Variants in SMARCC1 observed in about 807,000 individuals in gnomAD.
SMARCC1 encodes SWI/SNF complex subunit SMARCC1.
Under a neutral mutation model 147.4 loss-of-function variants are expected in SMARCC1, and 43 were observed. The ratio of observed to expected loss-of-function variants is 0.29; its 90% CI spans 0.23 to 0.38. The LOEUF (loss-of-function observed/expected upper bound fraction) is 0.38, where lower values mean the gene tolerates loss of function less well. Among genes scored for constraint, SMARCC1 ranks in the 10% least tolerant of loss-of-function variants. The pLI is 1.00. For missense variants in SMARCC1, 1,119 were observed against 1,381.1 expected, an observed-to-expected ratio of 0.81 and a Z score of 3.01; for synonymous variants, 495 against 484.4, an observed-to-expected ratio of 1.02 and a Z score of -0.29.
At chr3:47,630,277 A>G (rs1379562083) in intron 24 of SMARCC1, among the ~76,000 whole-genome samples, 1 of 152,164 alleles carries the variant, frequency 6.6e-6, no homozygotes, top group Non-Finnish European at 1.5e-5. Context: ...CCTCGCATGC[A>G]CAGTTCACAA....
chr3:47,664,197 A>G (rs1576403798), intron 19 of SMARCC1, among the ~76,000 whole-genome samples: 2 of 150,714 alleles, frequency 1.3e-5, no homozygotes, highest in Non-Finnish European at 3.0e-5. Context: ...AAAAAAAAAG[A>G]CCCTGTCTTA....
At position 47,706,426 on chromosome 3, in the gene SMARCC1, C is replaced by G; in HGVS notation, c.1023G>C (p.Lys341Asn). Residue 341 changes from lysine to asparagine, a missense_variant, in exon 10 of 28, where the codon AAG (lysine) becomes AAC (asparagine). This residue lies in a region of SMARCC1 where 542 missense variants were observed against 611.8 expected (regional missense o/e 0.89). Coordinates refer to ENST00000254480, the MANE Select transcript of SMARCC1 (RefSeq NM_003074.4). ...PPPPTPTESRKKSGKKGQASL... is the reference protein window; with the variant it reads ...PPPPTPTESRNKSGKKGQASL... ...GTTCTTACCCTTTCTTCCCACTCTTCTTCCGTGATTCTGTTGGTGTCGGAG... is the reference window on the plus strand; with the variant it reads ...GTTCTTACCCTTTCTTCCCACTCTTGTTCCGTGATTCTGTTGGTGTCGGAG... 6.3e-7 allele frequency: 1 copy of G among 1,575,478 alleles called. No homozygotes were observed. Among genetic ancestry groups the G allele is most frequent in the Non-Finnish European group, 8.6e-7 (1 of 1,165,660 alleles).
rs775317224 is a variant in SMARCC1, at chr3:47,676,614, TC to T, written c.1725+14del. ...GTTACTATCCAGGTCTGATGAAAAG[TC>T]AACATTAATTTACCTGAGGTGATCG... On this transcript the variant is annotated intron_variant, in intron 17 of 27. Transcript: ENST00000254480. The T allele has an allele frequency of 1.1e-5, 17 of 1,610,214 alleles. No individual in the cohort carries two copies. In the South Asian group the frequency reaches 1.9e-4, roughly 18 times the overall value.
At chr3:47,596,759 G>T (rs2032290279) in intron 26 of SMARCC1, among the ~76,000 whole-genome samples, 1 of 152,006 alleles carries the variant, frequency 6.6e-6, no homozygotes, top group Non-Finnish European at 1.5e-5. Flanking sequence ...GGATGCAGAG[G>T]AGTTAGTGCC....
At chr3:47,663,657 C>T in intron 19 of SMARCC1, 1 of 1,506,798 alleles carries the variant, frequency 6.6e-7, no homozygotes, top group East Asian at 2.3e-5. Flanking sequence ...CCCTTTGAAC[C>T]ATCGAAGCCC....
intron 11 of SMARCC1, among the ~76,000 whole-genome samples, chr3:47,696,249 C>CTAT (rs2033850762): frequency 6.6e-6 from 1 of 151,808 alleles, no homozygotes; most frequent in African/African-American, 2.4e-5. Context: ...TGGCGGGCGC[C>CTAT]TATAATCTCA....
intron 11 of SMARCC1, 119 bp downstream of exon 11, chr3:47,701,159 C>A: frequency 1.4e-6 from 1 of 717,498 alleles, no homozygotes; most frequent in Non-Finnish European, 2.3e-6. Context: ...ATAAAAGGGA[C>A]AATCTATTCA....
intron 24 of SMARCC1, among the ~76,000 whole-genome samples, chr3:47,630,701 A>G (rs1360727308): frequency 2.6e-5 from 4 of 152,184 alleles, no homozygotes; most frequent in African/African-American, 9.7e-5. Context: ...GTGTAAATCA[A>G]TTTCAATCAA....
At chr3:47,771,200 C>T (rs1035301642) in intron 2 of SMARCC1, among the ~76,000 whole-genome samples, 2 of 152,136 alleles carry the variant, frequency 1.3e-5, no homozygotes, top group Non-Finnish European at 2.9e-5. Flanking sequence ...TAAGCCACGA[C>T]GCCCCGCCTA....
chr3:47,767,333 C>T (rs538542982), intron 2 of SMARCC1, among the ~76,000 whole-genome samples: 39 of 147,618 alleles, frequency 2.6e-4, no homozygotes, highest in South Asian at 4.3e-4. Flanking sequence ...CTCCACCTCC[C>T]GGGTTCAAGT....
intron 24 of SMARCC1, among the ~76,000 whole-genome samples, chr3:47,629,152 T>G (rs2032852865): frequency 1.3e-5 from 2 of 152,124 alleles, no homozygotes; most frequent in African/African-American, 4.8e-5. Context: ...TGTCTCCAAT[T>G]CAAACCCTCC....
intron 21 of SMARCC1, among the ~76,000 whole-genome samples, chr3:47,645,708 ATTT>A (rs1257277336): frequency 6.6e-6 from 1 of 152,224 alleles, no homozygotes; most frequent in Non-Finnish European, 1.5e-5. Context: ...ACGCAATATG[ATTT>A]TTTGTCTCGC....
rs546659321 is a variant in SMARCC1, at chr3:47,726,061, CAAAA to C, written c.646+2960_646+2963del. ...TGGGTAGAAGAGTGAGACTCTGTCT[CAAAA>C]AAAAAAAAAAAAAAAAGGTGAATTT... On this transcript the variant is annotated intron_variant, in intron 6 of 27. Transcript: ENST00000254480. Among the ~76,000 whole-genome samples the C allele has an allele frequency of 9.8e-5, 5 of 50,786 alleles. 1 individual carries two copies. The East Asian group carries it at 2.8e-3, about 29-fold the overall frequency. The allele number at this position is 50,786 out of a possible 152,430, so 33.3% of individuals were successfully genotyped here.
chr3:47,652,993 A>G (rs955581906), intron 21 of SMARCC1, among the ~76,000 whole-genome samples: 1 of 128,178 alleles, frequency 7.8e-6, no homozygotes, highest in Non-Finnish European at 1.6e-5. Flanking sequence ...TCTGTCGCCC[A>G]GGCCGGACTG....
Position 47,610,218 on chromosome 3 carries a change from C to T in SMARCC1, c.2891G>A (p.Gly964Asp), listed in dbSNP as rs1294932834. 6.2e-7 allele frequency: 1 copy of T among 1,614,036 alleles called. No homozygotes were observed. The highest frequency in any genetic ancestry group is 8.5e-7 in the Non-Finnish European group (1 of 1,180,052). Residue 964 changes from glycine to aspartate, a missense_variant, in exon 26 of 28, where the codon GGC becomes GAC. By Grantham distance (94) the Gly-to-Asp change is moderately conservative (BLOSUM62 -1). Transcript: ENST00000254480. Reference protein sequence around the residue: ...ARQQMEQQQHGQNPQQAHQHS... With the variant: ...ARQQMEQQQHDQNPQQAHQHS... The stretch of plus-strand genomic sequence containing the variant: ...CTGGTGTGCCTGTTGAGGGTTCTGG[C>T]CATGCTGCTGCTGTTCCATTTGCTG...
chr3:47,601,980 A>G (rs6805353), intron 26 of SMARCC1, among the ~76,000 whole-genome samples: 135,007 of 152,122 alleles, frequency 0.89, 62,044 homozygotes, highest in Non-Finnish European at 1. Flanking sequence ...GATTACAGGC[A>G]TGAGCCACCA....
In SMARCC1 at chr3:47,738,130, C is replaced by T. The variant is rs570247009; in HGVS notation, c.402-20G>A. The stretch of plus-strand genomic sequence containing the variant: ...CTCCGCCTAAAAAAAAAGAAAAACC[C>T]TAGTTAATTTGTCTCCCAGCTTAAA... On this transcript the variant is annotated intron_variant, in intron 3 of 27. Transcript: ENST00000254480. 5.6e-5 allele frequency: 86 copies of T among 1,527,986 alleles called. 1 individual carries two copies. The East Asian group carries it at 1.0e-3, about 19-fold the overall frequency. The allele number at this position is 1,527,986 out of a possible 1,614,324, so 94.7% of individuals were successfully genotyped here.
chr3:47,667,317 C>CAAAA (rs71070207), intron 19 of SMARCC1, among the ~76,000 whole-genome samples: 1 of 131,750 alleles, frequency 7.6e-6, no homozygotes. Context: ...GACTCCGTCT[C>CAAAA]AAAAAAAAAA....
intron 14 of SMARCC1, among the ~76,000 whole-genome samples, chr3:47,681,564 A>G (rs577362310): frequency 7.5e-4 from 114 of 152,262 alleles, no homozygotes; most frequent in African/African-American, 2.3e-3. Context: ...TCCTGATGAC[A>G]TTTTAGTTTC....
Sources: allele counts gnomAD v4.1 joint callset (sites outside exome capture counted in the v4.1 genomes callset), GRCh38; gene constraint gnomAD v4.1.1; regional missense constraint gnomAD v4.1.1; transcripts MANE v1.5; gene names NCBI Gene and HGNC (gene_info 2026-07-23, HGNC 2026-07-21).